Variants in ENOSF1 observed in about 807,000 individuals in gnomAD.
ENOSF1 encodes the protein mitochondrial enolase superfamily member 1.
ENOSF1 carries 73 observed loss-of-function variants against 68.2 expected under a neutral mutation model. The observed-to-expected ratio is 1.07, with a 90% CI of 0.89 to 1.30. ENOSF1 has a LOEUF of 1.30. ENOSF1 is among the 50% of genes most tolerant of loss of function. ENOSF1 has a pLI of 0.00. For synonymous variants in ENOSF1, 223 were observed against 210.4 expected, an observed-to-expected ratio of 1.06 and a Z score of -0.52; for missense variants, 589 against 554.5, an observed-to-expected ratio of 1.06 and a Z score of -0.62.
chr18:680,652 C>A (rs2075980681), intron 11 of ENOSF1, among the ~76,000 whole-genome samples: 1 of 149,672 alleles, frequency 6.7e-6, no homozygotes, highest in Admixed American at 6.7e-5. Context: ...ATTATCTGTG[C>A]TTCAGCTGTC....
At chr18:697,399 G>A (rs1163236102) in intron 2 of ENOSF1, 44 bp from the exon 3 acceptor site, 1 of 1,369,664 alleles carries the variant, frequency 7.3e-7, no homozygotes, top group Non-Finnish European at 1.0e-6. Context: ...TCTATACTAG[G>A]TCAAGAAATT....
intron 14 of ENOSF1, among the ~76,000 whole-genome samples, chr18:676,555 C>T (rs530580103): frequency 2.0e-5 from 3 of 152,334 alleles, no homozygotes; most frequent in African/African-American, 7.2e-5. Context: ...GCAGAAGCCG[C>T]TATGCTTCCC....
chr18:708,782 A>G (rs569968148), intron 1 of ENOSF1, among the ~76,000 whole-genome samples: 1 of 152,268 alleles, frequency 6.6e-6, no homozygotes, highest in East Asian at 1.9e-4. Flanking sequence ...CAGAAAGTAA[A>G]GGGGTCAGAA....
rs186727176 is a variant in ENOSF1 at position 711,238 on chromosome 18, A to T, written c.84+1266T>A. Reference sequence around the variant, plus strand: ...AATAAAAATTTAAAAATGCAGGATGAACTTAATCTCAAAAAGGACATTGTT... The same window carrying T: ...AATAAAAATTTAAAAATGCAGGATGTACTTAATCTCAAAAAGGACATTGTT... On this transcript the variant is annotated intron_variant, in intron 1 of 15. Transcript: ENST00000647584. Among the ~76,000 whole-genome samples the T allele has an allele frequency of 1.9e-3, 287 of 152,374 alleles. 1 individual carries two copies. Among genetic ancestry groups the T allele is most frequent in the Non-Finnish European group, 3.5e-3 (235 of 68,046 alleles).
At chr18:707,909 G>C (rs560564997) in intron 1 of ENOSF1, among the ~76,000 whole-genome samples, 31 of 151,980 alleles carry the variant, frequency 2.0e-4, no homozygotes, top group Non-Finnish European at 4.4e-5. Context: ...CTCCAGGCTG[G>C]AGTGCAGTGG....
chr18:694,213 C>T, intron 4 of ENOSF1, 35 bp downstream of exon 4: 1 of 1,588,820 alleles, frequency 6.3e-7, no homozygotes, highest in Non-Finnish European at 8.6e-7. Context: ...CGTACAGCTC[C>T]CAGGAGCCTC....
chr18:667,571 A>ATGGAGATGGTGATGGTGATGGAGATGGT (rs1368458016), downstream of ENOSF1: 2 of 27,964 alleles, frequency 7.2e-5, no homozygotes, highest in Non-Finnish European at 6.1e-5. Context: ...ATGGTGATGG[A>ATGGAGATGGTGATGGTGATGGAGATGGT]GATGGTGATG....
chr18:708,020 C>T (rs2079117954), intron 1 of ENOSF1, among the ~76,000 whole-genome samples: 1 of 127,046 alleles, frequency 7.9e-6, no homozygotes, highest in Non-Finnish European at 1.7e-5. Context: ...CCACTATGAC[C>T]AGCTTTTTTT....
intron 11 of ENOSF1, among the ~76,000 whole-genome samples, chr18:681,608 T>TAA: frequency 6.6e-6 from 1 of 152,318 alleles, no homozygotes; most frequent in East Asian, 1.9e-4. Flanking sequence ...GGGCTCTGTT[T>TAA]AAATAATGAA....
intron 7 of ENOSF1, 123 bp from the exon 8 acceptor site, chr18:690,754 A>T (rs1287376872): frequency 8.2e-7 from 1 of 1,219,156 alleles, no homozygotes; most frequent in Admixed American, 2.6e-5. Flanking sequence ...CCCTGCACAC[A>T]CACACCCAGC....
chr18:676,331 G>C (rs2847619), intron 14 of ENOSF1, among the ~76,000 whole-genome samples: 36,681 of 152,192 alleles, frequency 0.24, 4,726 homozygotes, highest in African/African-American at 0.28. Flanking sequence ...TGGCAGCAGG[G>C]CCTGCTGGGA....
intron 1 of ENOSF1, chr18:712,267 A>C (rs2079644682): frequency 6.5e-7 from 1 of 1,527,698 alleles, no homozygotes. Flanking sequence ...CCCACTTTAC[A>C]GAAGCAATGG....
At chr18:668,537 A>C (rs2074904476), downstream of ENOSF1, among the ~76,000 whole-genome samples, 1 of 152,152 alleles carries the variant, frequency 6.6e-6, no homozygotes, top group Non-Finnish European at 1.5e-5. Flanking sequence ...CTAAACTCTA[A>C]AGTAATTTTA....
intron 8 of ENOSF1, 68 bp downstream of exon 8, chr18:690,481 G>A: frequency 6.4e-7 from 1 of 1,560,808 alleles, no homozygotes; most frequent in Non-Finnish European, 8.8e-7. Flanking sequence ...AGTGGTATGA[G>A]GACAGAAGGA....
intron 9 of ENOSF1, 96 bp downstream of exon 9, chr18:688,478 G>T: frequency 6.5e-7 from 1 of 1,537,564 alleles, no homozygotes; most frequent in Non-Finnish European, 9.0e-7. Flanking sequence ...CTAGCCCGTG[G>T]GTGCCTTTTA....
rs758936293 is a variant in ENOSF1 at position 685,952 on chromosome 18, A to C, written c.710T>G (p.Ile237Ser). 2.5e-6 allele frequency: 4 copies of C among 1,613,982 alleles called. No homozygotes were observed. The East Asian group carries it at 8.9e-5, about 36-fold the overall frequency. The change falls in exon 10 of 16, where the codon ATC becomes AGC. Residue 237 changes from isoleucine to serine, a missense_variant. Ile to Ser is a moderately radical substitution (Grantham distance 142). Coordinates refer to ENST00000647584, the MANE Select transcript of ENOSF1 (RefSeq NM_017512.7). The part of the protein sequence containing the change: ...LQDDMRRCQI[I>S]RDMIGPEKTL... ...CTTTTCCGGTCCAATCATGTCTCGG[A>C]TGATTTGGCATCTTCGCATGTCATC...
chr18:669,008 A>AG, downstream of ENOSF1: 1 of 1,390,328 alleles, frequency 7.2e-7, no homozygotes, highest in South Asian at 1.2e-5. Context: ...ATGACCTCTA[A>AG]GGCCATCTCA....
rs867099971 is a variant in ENOSF1, at chr18:693,142, A to G, written c.423+740T>C. 8.5e-6 allele frequency: 11 copies of G among 1,289,048 alleles called. 1 individual carries two copies. The highest frequency in any genetic ancestry group is 2.5e-5 in the South Asian group (2 of 81,002). 79.9% of individuals were successfully genotyped at this position (1,289,048 alleles called of 1,614,324 possible). ...AAGCTCATTCCCCTTTAATTTGCCC[A>G]GTTTTTTCCTCCTCAGCATCCAGTT... On this transcript the variant is annotated intron_variant, in intron 5 of 15. Transcript: ENST00000647584.
In ENOSF1 at chr18:694,385, C is replaced by G; in HGVS notation, c.310-51G>C. On this transcript the variant is annotated intron_variant, in intron 3 of 15. Transcript: ENST00000647584. ...CACTTTTTAGAAATGAAAAAGAGGG[C>G]TGGGTGTGATGGCTCATGCCTGTAA... 3.2e-6 allele frequency: 5 copies of G among 1,564,318 alleles called. No individual in the cohort carries two copies. The South Asian group carries it at 5.7e-5, about 18-fold the overall frequency.
Sources: allele counts gnomAD v4.1 joint callset (sites outside exome capture counted in the v4.1 genomes callset), GRCh38; gene constraint gnomAD v4.1.1; transcripts MANE v1.5; gene names NCBI Gene and HGNC (gene_info 2026-07-23, HGNC 2026-07-21).